The following RPS6KA2 variants were observed in gnomAD, a reference collection of about 807,000 sequenced individuals.
The protein encoded by RPS6KA2 is ribosomal protein S6 kinase A2, also known as ribosomal protein S6 kinase alpha-2.
Under a neutral mutation model 91.8 loss-of-function variants are expected in RPS6KA2, and 42 were observed. The ratio of observed to expected loss-of-function variants is 0.46; its 90% CI spans 0.36 to 0.59. The LOEUF (loss-of-function observed/expected upper bound fraction) is 0.59. RPS6KA2 is among the 20% of genes least tolerant of loss of function. RPS6KA2 has a pLI of 0.00. For missense variants in RPS6KA2, 798 were observed against 978.5 expected (o/e 0.82, Z 2.46); for synonymous variants, 414 against 393.6 (o/e 1.05, Z -0.61).
chr6:166,861,633 C>CT (rs377740154), intron 1 of RPS6KA2, among the ~76,000 whole-genome samples: 4 of 152,212 alleles, frequency 2.6e-5, no homozygotes, highest in Admixed American at 6.5e-5. Context: ...GTTGCATTAT[C>CT]TTTTTTCGTT....
intron 3 of RPS6KA2, 37 bp downstream of exon 3, chr6:166,531,195 C>T: frequency 2.2e-6 from 3 of 1,363,472 alleles, no homozygotes; most frequent in Non-Finnish European, 3.1e-6. Context: ...TTGCAGTTAC[C>T]TGTCTCTGAA....
In RPS6KA2 at chr6:166,587,166, C is replaced by G. The variant is rs1274335359; in HGVS notation, c.99+39755G>C. ...AACACATAAGGAAGAAATAATTTTTCTTTTATGAACTCAGGGAAATATTTT... is the reference window on the plus strand; with the variant it reads ...AACACATAAGGAAGAAATAATTTTTGTTTTATGAACTCAGGGAAATATTTT... On this transcript the variant is annotated intron_variant, in intron 1 of 20. Coordinates refer to ENST00000265678, the MANE Select transcript of RPS6KA2 (RefSeq NM_021135.6). Among the ~76,000 whole-genome samples, 4 of 152,150 alleles carry G rather than the reference C, an allele frequency of 2.6e-5. No homozygotes were observed. The East Asian group carries it at 7.7e-4, about 29-fold the overall frequency.
intron 2 of RPS6KA2, among the ~76,000 whole-genome samples, chr6:166,775,794 GCC>G (rs1778601502): frequency 6.6e-6 from 1 of 152,246 alleles, no homozygotes; most frequent in African/African-American, 2.4e-5. Flanking sequence ...CGACCCACAT[GCC>G]TGAGCTCTGG....
intron 19 of RPS6KA2, among the ~76,000 whole-genome samples, chr6:166,415,198 C>T (rs1778458426): frequency 6.6e-6 from 1 of 152,062 alleles, no homozygotes; most frequent in African/African-American, 2.4e-5. Flanking sequence ...AAATCTAATG[C>T]CTTTTGATAT....
At chr6:166,622,331 A>G (rs1562348136) in intron 1 of RPS6KA2, among the ~76,000 whole-genome samples, 2 of 152,240 alleles carry the variant, frequency 1.3e-5, no homozygotes, top group South Asian at 2.1e-4. Flanking sequence ...TAAGGAATTA[A>G]GCTTAATGTC....
intron 2 of RPS6KA2, among the ~76,000 whole-genome samples, chr6:166,719,540 G>A (rs1454671308): frequency 6.6e-6 from 1 of 152,130 alleles, no homozygotes; most frequent in East Asian, 1.9e-4. Flanking sequence ...AACAACACAT[G>A]TCTGTGACGA....
chr6:166,660,918 C>A (rs868249162), intron 2 of RPS6KA2, among the ~76,000 whole-genome samples: 13 of 152,042 alleles, frequency 8.6e-5, no homozygotes, highest in African/African-American at 2.9e-4. Flanking sequence ...GCTTAAAATG[C>A]GTTCCTGCAA....
At chr6:166,702,365 G>T (rs1789550170) in intron 2 of RPS6KA2, 10 of 1,609,972 alleles carry the variant, frequency 6.2e-6, no homozygotes, top group Non-Finnish European at 8.5e-6. Context: ...CATTTCATCA[G>T]GGATATAGGC....
intron 1 of RPS6KA2, among the ~76,000 whole-genome samples, chr6:166,596,903 C>T (rs781218631): frequency 1.4e-4 from 21 of 152,168 alleles, no homozygotes; most frequent in Admixed American, 6.5e-4. Flanking sequence ...GCTGTCCCAC[C>T]GTGGATGGAC....
intron 10 of RPS6KA2, among the ~76,000 whole-genome samples, chr6:166,477,681 CAGG>C (rs746942661): frequency 4.5e-4 from 68 of 152,298 alleles, no homozygotes; most frequent in Non-Finnish European, 8.4e-4. Context: ...GAGGCCAATG[CAGG>C]AGGACTGCTT....
chr6:166,745,222 G>A (rs1056207038), intron 2 of RPS6KA2, among the ~76,000 whole-genome samples: 1 of 150,788 alleles, frequency 6.6e-6, no homozygotes, highest in Non-Finnish European at 1.5e-5. Context: ...CGCCATCTCG[G>A]CTCACTGCAA....
chr6:166,717,868 G>C (rs1583046568), intron 2 of RPS6KA2, among the ~76,000 whole-genome samples: 1 of 137,866 alleles, frequency 7.3e-6, no homozygotes, highest in Non-Finnish European at 1.6e-5. Context: ...TTTTTTTTTA[G>C]ACGGAGTTTT....
chr6:166,779,732 A>G (rs1052002760), intron 2 of RPS6KA2, among the ~76,000 whole-genome samples: 2 of 151,758 alleles, frequency 1.3e-5, no homozygotes, highest in Non-Finnish European at 2.9e-5. Context: ...TCCTCCTCTC[A>G]CCCCAGACTC....
intron 1 of RPS6KA2, among the ~76,000 whole-genome samples, chr6:166,545,365 T>C (rs1171065075): frequency 1.3e-5 from 2 of 152,224 alleles, no homozygotes; most frequent in South Asian, 2.1e-4. Context: ...AGTCACCGCA[T>C]GCACAGTGAC....
chr6:166,858,408 C>T (rs542580437), intron 1 of RPS6KA2: 4 of 619,426 alleles, frequency 6.5e-6, no homozygotes, highest in Non-Finnish European at 8.7e-6. Flanking sequence ...CCCTTCCCAC[C>T]TGAATTTATG....
intron 2 of RPS6KA2, among the ~76,000 whole-genome samples, chr6:166,652,995 C>T (rs569811466): frequency 4.7e-4 from 71 of 152,346 alleles, no homozygotes; most frequent in African/African-American, 1.6e-3. Context: ...TCTGCCTTCC[C>T]AGGGTAGCCC....
At chr6:166,520,060 A>C (rs1782799503) in intron 3 of RPS6KA2, among the ~76,000 whole-genome samples, 1 of 152,220 alleles carries the variant, frequency 6.6e-6, no homozygotes, top group Admixed American at 6.5e-5. Context: ...AGAACAAAAA[A>C]GCAGTGGGAG....
chr6:166,602,977 GGA>G (rs1292584323), intron 1 of RPS6KA2, among the ~76,000 whole-genome samples: 2 of 152,204 alleles, frequency 1.3e-5, no homozygotes, highest in African/African-American at 2.4e-5. Flanking sequence ...GTGAGAATCT[GGA>G]GAGAGAGAGA....
In RPS6KA2 at chr6:166,685,216, T is replaced by G. The variant is rs1788972399; in HGVS notation, c.124-146432A>C. Among the ~76,000 whole-genome samples, 31 of 137,804 alleles carry G rather than the reference T, an allele frequency of 2.2e-4. 1 individual carries two copies. The highest frequency in any genetic ancestry group is 3.1e-4 in the African/African-American group (11 of 35,474). The allele number at this position is 137,804 out of a possible 152,430, so 90.4% of individuals were successfully genotyped here. ...AAGCTCAGGCAGGACCCTGATGGAG[T>G]GTGGAGTGTGTATGCAGGCTGGGAG... On this transcript the variant is annotated intron_variant, in intron 2 of 21. Coordinates refer to the RPS6KA2 transcript ENST00000503859.
Sources: gnomAD v4.1 joint callset for allele counts (sites outside exome capture counted in the v4.1 genomes callset) on GRCh38, gnomAD v4.1.1 for gene constraint, MANE v1.5 for transcripts, NCBI Gene and HGNC (gene_info 2026-07-23, HGNC 2026-07-21) for gene names.